The following SYT14 variants were observed in gnomAD, a reference collection of about 807,000 sequenced individuals.
SYT14 encodes the protein synaptotagmin-14.
Under a neutral mutation model 74.2 loss-of-function variants are expected in SYT14, and 32 were observed. The observed-to-expected ratio is 0.43, with a 90% CI of 0.33 to 0.58. The LOEUF is 0.58. Among genes scored for constraint, SYT14 ranks in the 20% least tolerant of loss-of-function variants. SYT14 has a pLI of 0.05. For synonymous variants in SYT14, 298 were observed against 337.7 expected, an observed-to-expected ratio of 0.88 and a Z score of 1.29; for missense variants, 791 against 981.8, an observed-to-expected ratio of 0.81 and a Z score of 2.60.
At chr1:209,991,035 G>A (rs942071512) in intron 2 of SYT14, among the ~76,000 whole-genome samples, 4 of 152,130 alleles carry the variant, frequency 2.6e-5, no homozygotes, top group Admixed American at 2.0e-4. Context: ...ACTGGGGAAA[G>A]GACACCCTAT....
chr1:210,125,941 A>G (rs564912905), intron 7 of SYT14, among the ~76,000 whole-genome samples: 131 of 152,310 alleles, frequency 8.6e-4, no homozygotes, highest in Middle Eastern at 3.4e-3. Flanking sequence ...ACGGTGGCCC[A>G]TGCCTGTAAT....
chr1:210,028,239 T>C (rs968463729), intron 5 of SYT14, among the ~76,000 whole-genome samples: 1 of 148,808 alleles, frequency 6.7e-6, no homozygotes, highest in Admixed American at 6.7e-5. Flanking sequence ...TATCAGAATT[T>C]TATTCCTTTT....
At chr1:210,025,879 C>A (rs751233077) in intron 5 of SYT14, among the ~76,000 whole-genome samples, 1 of 152,048 alleles carries the variant, frequency 6.6e-6, no homozygotes, top group Non-Finnish European at 1.5e-5. Flanking sequence ...AAGTTGACAG[C>A]GAAATTAATG....
At chr1:210,132,973 T>C (rs17041975) in intron 7 of SYT14, among the ~76,000 whole-genome samples, 9,638 of 152,226 alleles carry the variant, frequency 0.063, 966 homozygotes, top group African/African-American at 0.21. Flanking sequence ...TAGGAGCTTT[T>C]GTAAATCTGT....
At chr1:210,151,485 G>A (rs2083159042) in intron 7 of SYT14, among the ~76,000 whole-genome samples, 1 of 148,466 alleles carries the variant, frequency 6.7e-6, no homozygotes, top group African/African-American at 2.5e-5. Flanking sequence ...CTCCCAAGTA[G>A]CTGAAATTAT....
chr1:210,154,173 A>G (rs2102708075), intron 7 of SYT14, among the ~76,000 whole-genome samples: 1 of 152,268 alleles, frequency 6.6e-6, no homozygotes, highest in East Asian at 1.9e-4. Flanking sequence ...CTTTAGTAAG[A>G]CTGTTTCTGA....
rs1051724998 is a variant in SYT14 at position 210,114,823 on chromosome 1, G to A, written c.2034+14362G>A. Among the ~76,000 whole-genome samples, 6 of 150,966 alleles carry A rather than the reference G, an allele frequency of 4.0e-5. 1 individual carries two copies. Among genetic ancestry groups the A allele is most frequent in the African/African-American group, 5.0e-5 (2 of 40,330 alleles). ...GAGGTGATAAAAGGATTATAGGGTG[G>A]GGGAGCAGAGAATGAGGAAGAATTG... On this transcript the variant is annotated intron_variant, in intron 7 of 9. Transcript: ENST00000637265.
At chr1:210,031,429 T>C (rs1362046950) in intron 5 of SYT14, among the ~76,000 whole-genome samples, 1 of 152,094 alleles carries the variant, frequency 6.6e-6, no homozygotes, top group Non-Finnish European at 1.5e-5. Flanking sequence ...GCTGGCCTCA[T>C]AGGATGAGTT....
intron 5 of SYT14, among the ~76,000 whole-genome samples, chr1:210,091,790 T>C (rs2081873651): frequency 6.6e-6 from 1 of 152,198 alleles, no homozygotes; most frequent in South Asian, 2.1e-4. Context: ...GCTTCAAATT[T>C]TGATGGCTTC....
intron 5 of SYT14, among the ~76,000 whole-genome samples, chr1:210,084,557 A>G (rs564044634): frequency 8.5e-5 from 13 of 152,344 alleles, no homozygotes; most frequent in African/African-American, 3.1e-4. Flanking sequence ...AGGAAAAGTA[A>G]TATGGAATAT....
chr1:209,988,735 T>C (rs1368753193), intron 2 of SYT14, among the ~76,000 whole-genome samples: 1 of 152,230 alleles, frequency 6.6e-6, no homozygotes, highest in Non-Finnish European at 1.5e-5. Context: ...ATCTTCAGAA[T>C]AGTCCCCATT....
chr1:209,961,017 C>T (rs1019643266), intron 2 of SYT14, among the ~76,000 whole-genome samples: 5 of 152,058 alleles, frequency 3.3e-5, no homozygotes, highest in African/African-American at 1.2e-4. Context: ...CTGTTCTTTT[C>T]CTTTGAGTTG....
At position 210,151,372 on chromosome 1, in the gene SYT14, G is replaced by A. The variant is rs565548559; in HGVS notation, c.2035-4349G>A. ...AGGAAAGCTGCCATTTGGGCAGACAGCATCGATATTTAATTTGAGGTTGTT... is the reference window on the plus strand; with the variant it reads ...AGGAAAGCTGCCATTTGGGCAGACAACATCGATATTTAATTTGAGGTTGTT... On this transcript the variant is annotated intron_variant, in intron 7 of 9. Coordinates refer to ENST00000637265, the Ensembl canonical transcript of SYT14. Among the ~76,000 whole-genome samples the A allele has an allele frequency of 5.9e-5, 9 of 152,256 alleles. No homozygotes were observed. In the East Asian group the frequency reaches 1.7e-3, roughly 29 times the overall value.
intron 5 of SYT14, among the ~76,000 whole-genome samples, chr1:210,065,491 T>G (rs1361107013): frequency 6.6e-6 from 1 of 152,006 alleles, no homozygotes; most frequent in African/African-American, 2.4e-5. Context: ...TGCTGAACTG[T>G]GAGTCAGTTA....
At chr1:210,013,442 T>C (rs895122951) in intron 2 of SYT14, among the ~76,000 whole-genome samples, 191 bp from the exon 3 acceptor site, 2 of 152,360 alleles carry the variant, frequency 1.3e-5, no homozygotes, top group East Asian at 3.9e-4. Flanking sequence ...TGAATGCTGC[T>C]GAATGAATTG....
intron 5 of SYT14, among the ~76,000 whole-genome samples, chr1:210,036,201 A>C (rs1231026772): frequency 6.6e-6 from 1 of 151,882 alleles, no homozygotes; most frequent in African/African-American, 2.4e-5. Context: ...CTTGTTATAA[A>C]TGGAATTGCC....
intron 7 of SYT14, among the ~76,000 whole-genome samples, chr1:210,115,615 G>C (rs2082344594): frequency 6.6e-6 from 1 of 151,368 alleles, no homozygotes; most frequent in Non-Finnish European, 1.5e-5. Context: ...GGGAGAGATT[G>C]AAGGATGGCG....
At chr1:210,041,483 G>C (rs561243734) in intron 5 of SYT14, among the ~76,000 whole-genome samples, 2 of 152,156 alleles carry the variant, frequency 1.3e-5, no homozygotes, top group Admixed American at 1.3e-4. Context: ...TCTAAAGGAA[G>C]CATGCATGTG....
At chr1:210,045,244 A>G (rs577300282) in intron 5 of SYT14, among the ~76,000 whole-genome samples, 4 of 152,312 alleles carry the variant, frequency 2.6e-5, no homozygotes, top group African/African-American at 9.6e-5. Context: ...TGCATTGTAA[A>G]ACCTTGTCAA....
Sources: gnomAD v4.1 joint callset for allele counts (sites outside exome capture counted in the v4.1 genomes callset) on GRCh38, gnomAD v4.1.1 for gene constraint, MANE v1.5 for transcripts, NCBI Gene and HGNC (gene_info 2026-07-23, HGNC 2026-07-21) for gene names.